The following ARID2 variants were observed in gnomAD, a reference collection of about 807,000 sequenced individuals.
ARID2 encodes AT-rich interactive domain-containing protein 2.
ARID2 carries 32 observed loss-of-function variants against 184.6 expected under a neutral mutation model. The observed-to-expected ratio is 0.17, with a 90% CI of 0.13 to 0.23. ARID2 has a LOEUF of 0.23. ARID2 is among the 10% of genes least tolerant of loss of function. The pLI is 1.00. For missense variants in ARID2, 1,696 were observed against 2,197.6 expected, an observed-to-expected ratio of 0.77 and a Z score of 4.56; for synonymous variants, 836 against 772.6, an observed-to-expected ratio of 1.08 and a Z score of -1.36.
intron 16 of ARID2, among the ~76,000 whole-genome samples, chr12:45,872,220 A>G (rs1007753504): frequency 6.6e-6 from 1 of 151,816 alleles, no homozygotes; most frequent in African/African-American, 2.4e-5. Flanking sequence ...TTGCATTATT[A>G]TTTTAGATCT....
At chr12:45,808,858 A>G (rs771651657) in intron 3 of ARID2, among the ~76,000 whole-genome samples, 4 of 152,126 alleles carry the variant, frequency 2.6e-5, no homozygotes, top group Non-Finnish European at 5.9e-5. Flanking sequence ...TCGGCCTCCC[A>G]GATTCAAACA....
chr12:45,762,988 T>C (rs1941708168), intron 3 of ARID2, among the ~76,000 whole-genome samples: 1 of 152,212 alleles, frequency 6.6e-6, no homozygotes, highest in African/African-American at 2.4e-5. Flanking sequence ...ACAGCTACTA[T>C]TTATTGGGTG....
intron 16 of ARID2, among the ~76,000 whole-genome samples, chr12:45,876,642 A>G (rs1944014461): frequency 6.6e-6 from 1 of 152,146 alleles, no homozygotes. Flanking sequence ...CACTGATCAC[A>G]GATCACTATA....
intron 3 of ARID2, among the ~76,000 whole-genome samples, chr12:45,782,131 G>A (rs1180049645): frequency 1.3e-5 from 2 of 151,842 alleles, no homozygotes; most frequent in Non-Finnish European, 2.9e-5. Context: ...CTTGTGAGAA[G>A]GGCTATAAAT....
intron 13 of ARID2, 63 bp from the exon 14 acceptor site, chr12:45,849,517 A>G (rs2138155881): frequency 7.4e-7 from 1 of 1,344,140 alleles, no homozygotes; most frequent in Admixed American, 1.9e-5. Context: ...GTTCATGTAA[A>G]CATAATGTTA....
chr12:45,731,914 A>G (rs1479073530), intron 3 of ARID2, among the ~76,000 whole-genome samples: 2 of 152,016 alleles, frequency 1.3e-5, no homozygotes, highest in Non-Finnish European at 2.9e-5. Context: ...TTAAATTATT[A>G]TATCTTTAGG....
At chr12:45,823,708 G>A (rs1942939745) in intron 6 of ARID2, among the ~76,000 whole-genome samples, 1 of 151,878 alleles carries the variant, frequency 6.6e-6, no homozygotes, top group Non-Finnish European at 1.5e-5. Context: ...ATAAATACTT[G>A]GACACATACA....
At chr12:45,736,902 T>C (rs1030665970) in intron 3 of ARID2, among the ~76,000 whole-genome samples, 1 of 152,200 alleles carries the variant, frequency 6.6e-6, no homozygotes, top group African/African-American at 2.4e-5. Context: ...TAGTAAATAG[T>C]GTTTCACCAG....
chr12:45,811,711 C>G (rs948038455), intron 4 of ARID2, among the ~76,000 whole-genome samples, 160 bp downstream of exon 4: 14 of 152,148 alleles, frequency 9.2e-5, no homozygotes, highest in Non-Finnish European at 1.9e-4. Context: ...TATCAGAGCC[C>G]TTTCTCTCAC....
chr12:45,849,908 C>A, intron 14 of ARID2, 128 bp from the exon 15 acceptor site: 2 of 1,415,088 alleles, frequency 1.4e-6, no homozygotes, highest in Non-Finnish European at 9.4e-7. Flanking sequence ...GGTCTATTAC[C>A]ATATTCATAT....
At position 45,796,502 on chromosome 12, in the gene ARID2, G is replaced by GTTTATTTTATTTTATTTTAT. The variant is rs1226311305; in HGVS notation, c.285-14907_285-14888dup. Among the ~76,000 whole-genome samples the GTTTATTTTATTTTATTTTAT allele has an allele frequency of 4.0e-3, 608 of 151,742 alleles. 3 individuals carry two copies. Among genetic ancestry groups the GTTTATTTTATTTTATTTTAT allele is most frequent in the African/African-American group, 0.014 (576 of 41,210 alleles). ...CTTTGAATGAATCTGTGAATAACAT[G>GTTTATTTTATTTTATTTTAT]TTTATTTTATTTTATTTTATTTTAT... On this transcript the variant is annotated intron_variant, in intron 3 of 20. Coordinates refer to ENST00000334344, the MANE Select transcript of ARID2 (RefSeq NM_152641.4).
chr12:45,873,477 G>A (rs80127816), intron 16 of ARID2, among the ~76,000 whole-genome samples: 4,209 of 152,032 alleles, frequency 0.028, 93 homozygotes, highest in Non-Finnish European at 0.046. Context: ...CCTTTCTTCG[G>A]ATATCAATCA....
At chr12:45,897,133 T>A (rs1273920670) in intron 20 of ARID2, among the ~76,000 whole-genome samples, 4 of 152,188 alleles carry the variant, frequency 2.6e-5, no homozygotes, top group African/African-American at 9.7e-5. Context: ...TCCTCACATA[T>A]TTGGTCAAAT....
At chr12:45,832,821 G>A (rs972184421) in intron 6 of ARID2, among the ~76,000 whole-genome samples, 3 of 152,154 alleles carry the variant, frequency 2.0e-5, no homozygotes, top group South Asian at 4.1e-4. Context: ...TTTACTTCAC[G>A]TTACACTGTA....
At chr12:45,890,243 T>A (rs1944278012) in intron 16 of ARID2, among the ~76,000 whole-genome samples, 1 of 152,228 alleles carries the variant, frequency 6.6e-6, no homozygotes, top group African/African-American at 2.4e-5. Flanking sequence ...GTAATTAAAA[T>A]TGATTTAAGG....
intron 16 of ARID2, among the ~76,000 whole-genome samples, chr12:45,872,706 A>G (rs964316987): frequency 6.6e-6 from 1 of 152,226 alleles, no homozygotes; most frequent in Non-Finnish European, 1.5e-5. Flanking sequence ...CAGCCAAACC[A>G]TATCAATTAC....
At chr12:45,879,282 G>A (rs560062443) in intron 16 of ARID2, among the ~76,000 whole-genome samples, 4 of 152,248 alleles carry the variant, frequency 2.6e-5, no homozygotes, top group South Asian at 2.1e-4. Context: ...ATAAGGCTCT[G>A]GTAAAGTCGT....
chr12:45,751,683 T>C lies in ARID2; in HGVS notation c.284+20369T>C, dbSNP rs140471608. Among the ~76,000 whole-genome samples the C allele has an allele frequency of 3.9e-5, 6 of 152,362 alleles. No homozygotes were observed. In the East Asian group the frequency reaches 1.2e-3, roughly 29 times the overall value. On this transcript the variant is annotated intron_variant, in intron 3 of 20. Coordinates refer to ENST00000334344, the MANE Select transcript of ARID2 (RefSeq NM_152641.4). Reference sequence around the variant, plus strand: ...CACAAACCTAGCTGGTAGAGCCTACTACACACCTAAGCTATATGGTATGGC... The same window carrying C: ...CACAAACCTAGCTGGTAGAGCCTACCACACACCTAAGCTATATGGTATGGC...
chr12:45,753,963 C>T (rs183334379), intron 3 of ARID2, among the ~76,000 whole-genome samples: 477 of 152,274 alleles, frequency 3.1e-3, no homozygotes, highest in Non-Finnish European at 5.1e-3. Context: ...TGATGAAGTA[C>T]TAAGATTTGT....
Sources: gnomAD v4.1 joint callset for allele counts (sites outside exome capture counted in the v4.1 genomes callset) on GRCh38, gnomAD v4.1.1 for gene constraint, MANE v1.5 for transcripts, NCBI Gene and HGNC (gene_info 2026-07-23, HGNC 2026-07-21) for gene names.